MACROD2: variants seen among roughly 807,000 people sequenced by gnomAD.
The protein encoded by MACROD2 is ADP-ribose glycohydrolase MACROD2.
In MACROD2, 36 loss-of-function variants were observed where a neutral mutation model predicts 70.4. The observed-to-expected ratio is 0.51, with a 90% CI of 0.39 to 0.68. The LOEUF is 0.68. Ranked by LOEUF, MACROD2 falls within the 30% of genes least tolerant of loss-of-function variation. The pLI is 0.00. For missense variants in MACROD2, 496 were observed against 538.4 expected (o/e 0.92, Z 0.78); for synonymous variants, 172 against 178.8 (o/e 0.96, Z 0.30).
At chr20:14,292,492 T>C (rs2122454997) in intron 3 of MACROD2, among the ~76,000 whole-genome samples, 1 of 151,996 alleles carries the variant, frequency 6.6e-6, no homozygotes, top group Middle Eastern at 3.4e-3. Flanking sequence ...GGAGTCTGAG[T>C]AGGACATCAA....
chr20:16,012,042 C>T (rs925783062), intron 15 of MACROD2, among the ~76,000 whole-genome samples: 4 of 152,304 alleles, frequency 2.6e-5, no homozygotes, highest in Non-Finnish European at 5.9e-5. Flanking sequence ...CCAGGTCCCC[C>T]ATTCAGGGAA....
chr20:14,640,012 T>G (rs752446086), intron 4 of MACROD2, among the ~76,000 whole-genome samples: 20 of 152,174 alleles, frequency 1.3e-4, no homozygotes, highest in African/African-American at 3.6e-4. Context: ...ATTTTTGGTG[T>G]TGTTGTTTAC....
intron 3 of MACROD2, among the ~76,000 whole-genome samples, chr20:14,449,588 G>C (rs1236504993): frequency 6.6e-6 from 1 of 152,126 alleles, no homozygotes; most frequent in Non-Finnish European, 1.5e-5. Flanking sequence ...AGTGTTAGTA[G>C]TGATGAGGAA....
At position 14,862,214 on chromosome 20, in the gene MACROD2, T is replaced by TAA. The variant is rs1568839563; in HGVS notation, c.418+177256_418+177257insAA. Among the ~76,000 whole-genome samples, 29 of 15,556 alleles carry TAA rather than the reference T, an allele frequency of 1.9e-3. 3 individuals are homozygous for TAA. The highest frequency in any genetic ancestry group is 3.6e-3 in the African/African-American group (19 of 5,320). 10.2% of individuals were successfully genotyped at this position (15,556 alleles called of 152,430 possible). On this transcript the variant is annotated intron_variant, in intron 5 of 17. Transcript: ENST00000684519. The stretch of plus-strand genomic sequence containing the variant: ...TTATACATAAATATATAAATATATA[T>TAA]ATATATAAATATATATAAATATATA...
intron 3 of MACROD2, among the ~76,000 whole-genome samples, chr20:14,409,751 G>A (rs2083729589): frequency 6.6e-6 from 1 of 152,098 alleles, no homozygotes; most frequent in South Asian, 2.1e-4. Context: ...ATAAACGTGA[G>A]GCTTAGTGTC....
intron 8 of MACROD2, among the ~76,000 whole-genome samples, chr20:15,837,390 A>G (rs1182747691): frequency 4.6e-5 from 7 of 152,058 alleles, no homozygotes; most frequent in Non-Finnish European, 1.0e-4. Context: ...TGGTCTCTCA[A>G]CTTTCTCCTT....
chr20:14,220,419 A>T (rs1445437530), intron 3 of MACROD2, among the ~76,000 whole-genome samples: 2 of 152,140 alleles, frequency 1.3e-5, no homozygotes, highest in Non-Finnish European at 2.9e-5. Context: ...CCAGGCTGAG[A>T]GCAGTAAGGG....
At chr20:14,196,162 G>A (rs543304708) in intron 3 of MACROD2, among the ~76,000 whole-genome samples, 126 of 152,284 alleles carry the variant, frequency 8.3e-4, no homozygotes, top group African/African-American at 2.9e-3. Flanking sequence ...CTGTGAGGGG[G>A]ACAAGGGAGT....
chr20:14,266,283 A>G, intron 3 of MACROD2, among the ~76,000 whole-genome samples: 1 of 152,186 alleles, frequency 6.6e-6, no homozygotes, highest in East Asian at 1.9e-4. Flanking sequence ...TGAGGGGTTA[A>G]GTCTAATGAT....
chr20:15,509,408 C>T (rs1465472668), intron 8 of MACROD2, among the ~76,000 whole-genome samples: 4 of 152,218 alleles, frequency 2.6e-5, no homozygotes, highest in Admixed American at 1.3e-4. Flanking sequence ...TAAAATCAAA[C>T]TTCAGGGTGC....
intron 5 of MACROD2, among the ~76,000 whole-genome samples, chr20:15,033,635 T>TTAAGC (rs1438684633): frequency 6.6e-6 from 1 of 152,210 alleles, no homozygotes; most frequent in Non-Finnish European, 1.5e-5. Context: ...ATAAAATAAT[T>TTAAGC]TAAGCTAAGC....
intron 5 of MACROD2, among the ~76,000 whole-genome samples, chr20:14,926,635 A>G (rs1356377752): frequency 6.6e-6 from 1 of 152,152 alleles, no homozygotes; most frequent in Non-Finnish European, 1.5e-5. Flanking sequence ...TGCCAGAGAC[A>G]TTAGCTGCAT....
intron 8 of MACROD2, among the ~76,000 whole-genome samples, chr20:15,828,372 T>C (rs1242871578): frequency 6.6e-6 from 1 of 152,160 alleles, no homozygotes; most frequent in Admixed American, 6.6e-5. Flanking sequence ...AGAAAAAAGT[T>C]TGATGGCCAA....
intron 6 of MACROD2, among the ~76,000 whole-genome samples, chr20:15,248,612 A>C (rs961040835): frequency 6.6e-6 from 1 of 152,112 alleles, no homozygotes; most frequent in Non-Finnish European, 1.5e-5. Context: ...TCCATTACTG[A>C]ATATCCAACT....
chr20:14,154,353 A>G (rs1031324716), intron 3 of MACROD2, among the ~76,000 whole-genome samples: 2 of 151,612 alleles, frequency 1.3e-5, no homozygotes, highest in African/African-American at 2.4e-5. Context: ...CTGCTGGAGT[A>G]GGTTCAGTAT....
chr20:15,993,892 T>C (rs1365607306), intron 15 of MACROD2, among the ~76,000 whole-genome samples: 1 of 152,146 alleles, frequency 6.6e-6, no homozygotes, highest in Non-Finnish European at 1.5e-5. Context: ...AATAGTCTAG[T>C]GAATAGAAAG....
intron 8 of MACROD2, among the ~76,000 whole-genome samples, chr20:15,619,987 C>T (rs965148692): frequency 2.0e-4 from 30 of 152,124 alleles, no homozygotes; most frequent in African/African-American, 6.0e-4. Context: ...GTGGTCTAAA[C>T]GAATCTTCAT....
intron 12 of MACROD2, among the ~76,000 whole-genome samples, chr20:15,953,753 C>T (rs901346956): frequency 6.6e-6 from 1 of 152,146 alleles, no homozygotes; most frequent in African/African-American, 2.4e-5. Flanking sequence ...CTGTGTTTTA[C>T]AGCAGACTCA....
At chr20:15,473,196 T>C (rs916470211) in intron 7 of MACROD2, among the ~76,000 whole-genome samples, 2 of 152,168 alleles carry the variant, frequency 1.3e-5, no homozygotes, top group Non-Finnish European at 2.9e-5. Flanking sequence ...TCAGGTATAT[T>C]GGGAAGATTA....
Sources: gnomAD v4.1 joint callset for allele counts (sites outside exome capture counted in the v4.1 genomes callset) on GRCh38, gnomAD v4.1.1 for gene constraint, MANE v1.5 for transcripts, NCBI Gene and HGNC (gene_info 2026-07-23, HGNC 2026-07-21) for gene names.